The following OSBPL1A variants were observed in gnomAD, a reference collection of about 807,000 sequenced individuals.
OSBPL1A encodes oxysterol-binding protein-related protein 1.
Under a neutral mutation model 137.1 loss-of-function variants are expected in OSBPL1A, and 80 were observed. That is an observed-to-expected ratio of 0.58 (90% CI 0.49 to 0.70). The LOEUF is 0.70. Ranked by LOEUF, OSBPL1A falls within the 30% of genes least tolerant of loss-of-function variation. The pLI, the probability that OSBPL1A is intolerant of heterozygous loss-of-function variation, is 0.00. For missense variants in OSBPL1A, 970 were observed against 1,129.4 expected, an observed-to-expected ratio of 0.86 and a Z score of 2.02; for synonymous variants, 365 against 389.7, an observed-to-expected ratio of 0.94 and a Z score of 0.75.
intron 1 of OSBPL1A, among the ~76,000 whole-genome samples, chr18:24,392,005 G>A (rs144657746): frequency 3.7e-4 from 56 of 152,098 alleles, no homozygotes; most frequent in South Asian, 2.1e-4. Context: ...ACAGGCACAC[G>A]CCACCATGCC....
intron 7 of OSBPL1A, among the ~76,000 whole-genome samples, chr18:24,332,169 A>T: frequency 6.6e-6 from 1 of 151,904 alleles, no homozygotes; most frequent in East Asian, 1.9e-4. Flanking sequence ...TGAGGTCAGG[A>T]GTTCGAGACC....
chr18:24,375,124 G>A (rs552315558), intron 2 of OSBPL1A, among the ~76,000 whole-genome samples: 39 of 152,038 alleles, frequency 2.6e-4, no homozygotes, highest in African/African-American at 9.2e-4. Context: ...AGACCAGCCT[G>A]GGGAACACAG....
At chr18:24,373,801 C>T (rs969814706) in intron 2 of OSBPL1A, among the ~76,000 whole-genome samples, 4 of 152,168 alleles carry the variant, frequency 2.6e-5, no homozygotes, top group South Asian at 2.1e-4. Context: ...ACACTATTCA[C>T]GCCTGGTCTT....
chr18:24,205,899 T>G (rs570701011), intron 17 of OSBPL1A, among the ~76,000 whole-genome samples: 1 of 152,344 alleles, frequency 6.6e-6, no homozygotes, highest in South Asian at 2.1e-4. Context: ...TTTTTTATTG[T>G]TGTTGTTTTG....
intron 1 of OSBPL1A, among the ~76,000 whole-genome samples, chr18:24,383,231 A>G (rs1184545573): frequency 6.6e-6 from 1 of 152,238 alleles, no homozygotes; most frequent in Non-Finnish European, 1.5e-5. Context: ...ATATATTTTC[A>G]ATCATGTACA....
At chr18:24,381,023 C>G (rs538435206) in intron 1 of OSBPL1A, among the ~76,000 whole-genome samples, 39 of 151,534 alleles carry the variant, frequency 2.6e-4, no homozygotes, top group African/African-American at 9.4e-4. Flanking sequence ...GAAGCCAAAC[C>G]CAGGCTCAGG....
At chr18:24,223,029 T>G (rs927041346) in intron 17 of OSBPL1A, among the ~76,000 whole-genome samples, 11 of 152,074 alleles carry the variant, frequency 7.2e-5, no homozygotes, top group African/African-American at 2.7e-4. Context: ...ATTTTAAAGA[T>G]AAAACACAAG....
intron 11 of OSBPL1A, among the ~76,000 whole-genome samples, chr18:24,315,256 A>G (rs1294890082): frequency 6.6e-6 from 1 of 152,118 alleles, no homozygotes; most frequent in African/African-American, 2.4e-5. Context: ...TTTGGACATT[A>G]ATAAAGCAAA....
rs376490829 is a variant in OSBPL1A at position 24,163,169 on chromosome 18, T to G, written c.*10A>C. On this transcript the variant is annotated 3_prime_UTR_variant, in exon 28 of 28. Coordinates refer to ENST00000319481, the MANE Select transcript of OSBPL1A (RefSeq NM_080597.4). The stretch of plus-strand genomic sequence containing the variant: ...TGTAGATTAGCCAAACACCCTGACT[T>G]GTATGCATTTTAATAAATGTCAGGC... The G allele has an allele frequency of 9.5e-6, 15 of 1,583,942 alleles. No individual in the cohort carries two copies. Among genetic ancestry groups the G allele is most frequent in the Non-Finnish European group, 1.3e-5 (15 of 1,153,766 alleles).
intron 17 of OSBPL1A, among the ~76,000 whole-genome samples, chr18:24,221,533 C>T (rs1276051869): frequency 1.3e-5 from 2 of 152,264 alleles, no homozygotes; most frequent in Non-Finnish European, 2.9e-5. Context: ...CTATCTTAAA[C>T]TTGTAAAGAT....
intron 16 of OSBPL1A, among the ~76,000 whole-genome samples, chr18:24,236,594 G>A (rs1399573190): frequency 6.6e-6 from 1 of 152,182 alleles, no homozygotes; most frequent in African/African-American, 2.4e-5. Flanking sequence ...GGGCTACTGT[G>A]TTCATGCAAG....
chr18:24,227,618 C>T (rs2088128005), intron 16 of OSBPL1A, among the ~76,000 whole-genome samples: 1 of 152,006 alleles, frequency 6.6e-6, no homozygotes. Flanking sequence ...GGAAAGGCTG[C>T]AAAGGAGAGA....
intron 15 of OSBPL1A, among the ~76,000 whole-genome samples, chr18:24,263,104 T>C (rs1365689465): frequency 6.6e-6 from 1 of 152,216 alleles, no homozygotes; most frequent in African/African-American, 2.4e-5. Flanking sequence ...ACAATCACTT[T>C]GCTTTTTTAG....
At chr18:24,200,978 G>A (rs141223924) in intron 17 of OSBPL1A, among the ~76,000 whole-genome samples, 148 of 152,132 alleles carry the variant, frequency 9.7e-4, no homozygotes, top group South Asian at 4.6e-3. Context: ...AATGGTGTTG[G>A]ATGGCAGTGT....
intron 16 of OSBPL1A, among the ~76,000 whole-genome samples, chr18:24,229,087 G>T (rs994966699): frequency 1.3e-5 from 2 of 152,138 alleles, no homozygotes; most frequent in Non-Finnish European, 2.9e-5. Context: ...TGCAATCCCA[G>T]TTACTCGGAA....
At chr18:24,315,832 G>C (rs1219641165) in intron 11 of OSBPL1A, among the ~76,000 whole-genome samples, 47 of 102,818 alleles carry the variant, frequency 4.6e-4, no homozygotes, top group Non-Finnish European at 6.9e-4. Context: ...ATAATATATA[G>C]TATATATTAT....
chr18:24,245,041 C>T (rs998494730), intron 15 of OSBPL1A, among the ~76,000 whole-genome samples: 1 of 152,136 alleles, frequency 6.6e-6, no homozygotes, highest in East Asian at 1.9e-4. Flanking sequence ...CTTTCCTCTT[C>T]GCTAGTGCAT....
chr18:24,236,489 C>T (rs543615825), intron 16 of OSBPL1A, among the ~76,000 whole-genome samples: 1 of 152,294 alleles, frequency 6.6e-6, no homozygotes, highest in Non-Finnish European at 1.5e-5. Context: ...CAAGTCAGCA[C>T]TTGACAGGGC....
In OSBPL1A at chr18:24,249,118, T is replaced by C. The variant is rs147900023; in HGVS notation, c.1282-9736A>G. On this transcript the variant is annotated intron_variant, in intron 15 of 27. Coordinates refer to ENST00000319481, the MANE Select transcript of OSBPL1A (RefSeq NM_080597.4). ...AACAGTTTGCTCTTCAACTGCAAAGTTGAACTACTTAATGCTGGTTATAAC... is the reference window on the plus strand; with the variant it reads ...AACAGTTTGCTCTTCAACTGCAAAGCTGAACTACTTAATGCTGGTTATAAC... Among the ~76,000 whole-genome samples the C allele has an allele frequency of 3.8e-3, 584 of 152,346 alleles. 4 individuals are homozygous for C. Among genetic ancestry groups the C allele is most frequent in the African/African-American group, 0.013 (546 of 41,578 alleles).
Sources: allele counts gnomAD v4.1 joint callset (sites outside exome capture counted in the v4.1 genomes callset), GRCh38; gene constraint gnomAD v4.1.1; transcripts MANE v1.5; gene names NCBI Gene and HGNC (gene_info 2026-07-23, HGNC 2026-07-21).